EIF2S3: variants seen among roughly 807,000 people sequenced by gnomAD.
EIF2S3 encodes eukaryotic translation initiation factor 2 subunit gamma.
In EIF2S3, 2 loss-of-function variants were observed where a neutral mutation model predicts 31.7. That is an observed-to-expected ratio of 0.06 (90% CI 0.03 to 0.20). EIF2S3 has a LOEUF of 0.20. Among genes scored for constraint, EIF2S3 ranks in the 10% least tolerant of loss-of-function variants. The pLI, the probability that EIF2S3 is intolerant of heterozygous loss-of-function variation, is 1.00. For synonymous variants in EIF2S3, 120 were observed against 126.7 expected (o/e 0.95, Z 0.36); for missense variants, 96 against 359.3 (o/e 0.27, Z 5.92).
At chrX:24,068,523 C>T (rs1004387901) in intron 9 of EIF2S3, among the ~76,000 whole-genome samples, 1 of 109,552 alleles carries the variant, frequency 9.1e-6, no homozygotes, top group Non-Finnish European at 1.9e-5. Flanking sequence ...TGGCTCACTG[C>T]AGCCTCTGCC....
chrX:24,057,104 C>T (rs1436213418), intron 2 of EIF2S3, among the ~76,000 whole-genome samples: 1 of 112,640 alleles, frequency 8.9e-6, no homozygotes. Flanking sequence ...GATCTCGGCT[C>T]ACTGCAGCCT....
At chrX:24,055,291 T>A (rs1031476141) in intron 1 of EIF2S3, among the ~76,000 whole-genome samples, 6 of 111,679 alleles carry the variant, frequency 5.4e-5, no homozygotes, top group Admixed American at 3.8e-4. Flanking sequence ...TGATGTTGAT[T>A]GTCATGGTTT....
At chrX:24,057,894 G>A (rs1018887778) in intron 4 of EIF2S3, 140 bp downstream of exon 4, 1 of 755,875 alleles carries the variant, frequency 1.3e-6, no homozygotes, top group Non-Finnish European at 1.8e-6. Context: ...TGTTTTTATG[G>A]GAAATCTGAA....
intron 8 of EIF2S3, among the ~76,000 whole-genome samples, chrX:24,067,190 C>T (rs190471436): frequency 1.2e-3 from 130 of 111,126 alleles, no homozygotes; most frequent in Non-Finnish European, 2.1e-3. Context: ...GCTACAGGCA[C>T]TCGCAACCTC....
chrX:24,063,613 A>T (rs1930526051), intron 6 of EIF2S3, among the ~76,000 whole-genome samples: 1 of 110,889 alleles, frequency 9.0e-6, no homozygotes, highest in Admixed American at 9.7e-5. Context: ...AACTCTGTCA[A>T]TACAAAAAAT....
chrX:24,078,069 A>C lies in EIF2S3; in HGVS notation c.*1284A>C, dbSNP rs1930784104. ...GAGACGGAGGCTCACTCCGTCACCT[A>C]GGCTAGAGTACAGTGGCACGATCTT... On this transcript the variant is annotated 3_prime_UTR_variant, in exon 12 of 12. Coordinates refer to ENST00000253039, the MANE Select transcript of EIF2S3 (RefSeq NM_001415.4). 9.2e-6 allele frequency: 1 copy of C among 109,164 alleles called. No homozygotes were observed. Among genetic ancestry groups the C allele is most frequent in the African/African-American group, 3.3e-5 (1 of 29,927 alleles). The allele number at this position is 109,164 out of a possible 1,213,427, so 9.0% of individuals were successfully genotyped here. A position where few individuals can be genotyped will look rare whatever the true frequency, so the allele number is the denominator to read the frequency against.
At chrX:24,070,725 C>G (rs903008977) in intron 9 of EIF2S3, among the ~76,000 whole-genome samples, 1 of 111,540 alleles carries the variant, frequency 9.0e-6, no homozygotes, top group Non-Finnish European at 1.9e-5. Context: ...GTGTGAGCCA[C>G]TGCGCCTGGC....
chrX:24,066,195 A>C, intron 8 of EIF2S3, 103 bp downstream of exon 8: 1 of 540,594 alleles, frequency 1.8e-6, no homozygotes. Context: ...TGGACAATCC[A>C]AATTGAAAAA....
In EIF2S3 at chrX:24,057,382, TA is replaced by T. The variant is rs764041264; in HGVS notation, c.134-36del. The T allele has an allele frequency of 1.7e-5, 20 of 1,172,834 alleles. No individual in the cohort carries two copies. The African/African-American group carries it at 3.0e-4, about 18-fold the overall frequency. ...TTTGAAAAAATATTTGGTATGTAATTAAATACACATGAATTAATTTTTTGAA... is the reference window on the plus strand; with the variant it reads ...TTTGAAAAAATATTTGGTATGTAATTAATACACATGAATTAATTTTTTGAA... On this transcript the variant is annotated intron_variant, in intron 2 of 11. Transcript: ENST00000253039.
intron 2 of EIF2S3, 85 bp downstream of exon 2, chrX:24,055,763 G>A: frequency 8.8e-6 from 8 of 912,043 alleles, no homozygotes; most frequent in Non-Finnish European, 1.3e-5. Flanking sequence ...AATAGTATGA[G>A]GATTCAGATA....
Position 24,077,475 on chromosome X carries a change from G to A in EIF2S3, c.*690G>A, listed in dbSNP as rs1367210277. ...AAGTTTTTTTTCTTTTTCATGATTC[G>A]TCTTTGAGTACCTCCAGGCTGAAAG... On this transcript the variant is annotated 3_prime_UTR_variant, in exon 12 of 12. Coordinates refer to ENST00000253039, the MANE Select transcript of EIF2S3 (RefSeq NM_001415.4). 1 of 111,954 alleles carries A rather than the reference G, an allele frequency of 8.9e-6. No homozygotes were observed. Among genetic ancestry groups the A allele is most frequent in the Non-Finnish European group, 1.9e-5 (1 of 53,217 alleles). 9.2% of individuals were successfully genotyped at this position (111,954 alleles called of 1,213,427 possible). A position where few individuals can be genotyped will look rare whatever the true frequency, so the allele number is the denominator to read the frequency against.
intron 11 of EIF2S3, among the ~76,000 whole-genome samples, chrX:24,075,749 A>AT (rs1273561771): frequency 3.6e-5 from 4 of 110,967 alleles, no homozygotes; most frequent in Non-Finnish European, 5.7e-5. Flanking sequence ...TTTATTTTAT[A>AT]TTTTTTAGAG....
At chrX:24,073,021 A>T in intron 10 of EIF2S3, 70 bp from the exon 11 acceptor site, 1 of 1,089,672 alleles carries the variant, frequency 9.2e-7, no homozygotes, top group Non-Finnish European at 1.2e-6. Context: ...GTATTTGGTA[A>T]ATTCTTACTT....
Position 24,068,122 on chromosome X carries a change from T to C in EIF2S3, c.1012+14T>C. The C allele has an allele frequency of 8.6e-7, 1 of 1,169,206 alleles. No individual in the cohort carries two copies. Among genetic ancestry groups the C allele is most frequent in the African/African-American group, 1.8e-5 (1 of 56,948 alleles). On this transcript the variant is annotated intron_variant, in intron 9 of 11. Coordinates refer to ENST00000253039, the MANE Select transcript of EIF2S3 (RefSeq NM_001415.4). ...GCGGTCTTATTGGTAAGGATTTTTTTCTCATCTCTTTTAATTTGTGGCTAT... is the reference window on the plus strand; with the variant it reads ...GCGGTCTTATTGGTAAGGATTTTTTCCTCATCTCTTTTAATTTGTGGCTAT...
chrX:24,055,078 G>C, intron 1 of EIF2S3, 41 bp downstream of exon 1: 1 of 1,189,640 alleles, frequency 8.4e-7, no homozygotes, highest in Non-Finnish European at 1.1e-6. Flanking sequence ...GAGCTCAGGA[G>C]TGGAGGTGAC....
At chrX:24,065,602 A>AG (rs954739788) in intron 7 of EIF2S3, among the ~76,000 whole-genome samples, 4 of 111,597 alleles carry the variant, frequency 3.6e-5, no homozygotes, top group African/African-American at 1.3e-4. Context: ...TCTATGATAG[A>AG]GGGAAAAAAA....
chrX:24,063,102 G>A (rs1249966008), intron 6 of EIF2S3, among the ~76,000 whole-genome samples: 1 of 111,769 alleles, frequency 8.9e-6, no homozygotes, highest in Non-Finnish European at 1.9e-5. Context: ...AATTAGCAGG[G>A]TGTGGTGGCA....
At chrX:24,063,536 T>G (rs1302502654) in intron 6 of EIF2S3, among the ~76,000 whole-genome samples, 1 of 111,347 alleles carries the variant, frequency 9.0e-6, no homozygotes, top group Non-Finnish European at 1.9e-5. Flanking sequence ...TACCAAGACT[T>G]TAGGAGGCTG....
intron 2 of EIF2S3, 147 bp downstream of exon 2, chrX:24,055,825 G>A: frequency 1.8e-6 from 1 of 568,628 alleles, no homozygotes; most frequent in Non-Finnish European, 2.8e-6. Flanking sequence ...CTACATTTGC[G>A]GTGCAGGGGG....
Sources: gnomAD v4.1 joint callset for allele counts (sites outside exome capture counted in the v4.1 genomes callset) on GRCh38, gnomAD v4.1.1 for gene constraint, MANE v1.5 for transcripts, NCBI Gene and HGNC (gene_info 2026-07-23, HGNC 2026-07-21) for gene names.